The following WWOX variants were observed in gnomAD, a reference collection of about 807,000 sequenced individuals.
WWOX encodes WW domain-containing oxidoreductase.
In WWOX, 69 loss-of-function variants were observed where a neutral mutation model predicts 46.2. The observed-to-expected ratio is 1.49, with a 90% CI of 1.23 to 1.82. The LOEUF (loss-of-function observed/expected upper bound fraction) is 1.82, where lower values mean the gene tolerates loss of function less well. Among genes scored for constraint, WWOX ranks in the 40% most tolerant of loss-of-function variants. WWOX has a pLI of 0.00. For missense variants in WWOX, 919 were observed against 542.6 expected (o/e 1.69, Z -6.89); for synonymous variants, 359 against 202.6 (o/e 1.77, Z -6.56).
intron 8 of WWOX, among the ~76,000 whole-genome samples, chr16:78,614,875 G>C (rs990133564): frequency 1.3e-5 from 2 of 152,146 alleles, no homozygotes; most frequent in Non-Finnish European, 2.9e-5. Context: ...ATGGTGGTTT[G>C]CTGCAGCCAT....
At chr16:78,908,519 G>T (rs1039307457) in intron 8 of WWOX, among the ~76,000 whole-genome samples, 36 of 139,476 alleles carry the variant, frequency 2.6e-4, no homozygotes, top group Non-Finnish European at 4.6e-5. Context: ...CAGCCTGGGC[G>T]ACAGACTGAA....
At chr16:78,847,091 G>A (rs778541890) in intron 8 of WWOX, among the ~76,000 whole-genome samples, 9 of 152,170 alleles carry the variant, frequency 5.9e-5, no homozygotes, top group Non-Finnish European at 1.2e-4. Context: ...ACTGTAAGAG[G>A]CTTTACACTG....
At chr16:78,175,583 AC>A (rs2035317027) in intron 5 of WWOX, among the ~76,000 whole-genome samples, 1 of 152,140 alleles carries the variant, frequency 6.6e-6, no homozygotes, top group African/African-American at 2.4e-5. Flanking sequence ...GGCCCATGCA[AC>A]AAGGAATTGA....
At chr16:78,341,125 G>A (rs1272892913) in intron 5 of WWOX, among the ~76,000 whole-genome samples, 1 of 99,268 alleles carries the variant, frequency 1.0e-5, no homozygotes, top group Non-Finnish European at 2.3e-5. Context: ...GCTCTCTTAA[G>A]TCACTTCCTA....
At chr16:78,352,245 T>G (rs1597080727) in intron 5 of WWOX, among the ~76,000 whole-genome samples, 2 of 152,250 alleles carry the variant, frequency 1.3e-5, no homozygotes, top group East Asian at 3.8e-4. Context: ...ACATGTTACA[T>G]AACTGTATTT....
At chr16:78,796,864 C>CA (rs1189432307) in intron 8 of WWOX, among the ~76,000 whole-genome samples, 1 of 147,564 alleles carries the variant, frequency 6.8e-6, no homozygotes, top group African/African-American at 2.5e-5. Flanking sequence ...CTCACTCTGT[C>CA]ACCTAGGCTG....
chr16:78,658,010 C>A (rs555232852), intron 8 of WWOX, among the ~76,000 whole-genome samples: 1 of 152,148 alleles, frequency 6.6e-6, no homozygotes, highest in South Asian at 2.1e-4. Flanking sequence ...AGTTTCTCAA[C>A]CTTGGCACTA....
chr16:78,891,253 G>A (rs2044584377), intron 8 of WWOX: 1 of 152,030 alleles, frequency 6.6e-6, no homozygotes, highest in Admixed American at 6.6e-5. Flanking sequence ...TCAGGTTTAG[G>A]ATTGTTGATC....
chr16:78,271,023 A>T (rs969206880), intron 5 of WWOX, among the ~76,000 whole-genome samples: 1 of 152,150 alleles, frequency 6.6e-6, no homozygotes, highest in Non-Finnish European at 1.5e-5. Context: ...ATGTTGTTTA[A>T]TTTGGGGCGA....
intron 8 of WWOX, among the ~76,000 whole-genome samples, chr16:78,805,165 G>T (rs976364494): frequency 6.6e-6 from 1 of 152,140 alleles, no homozygotes; most frequent in Non-Finnish European, 1.5e-5. Flanking sequence ...AGGAGGCAAA[G>T]AATATTTAAC....
intron 8 of WWOX, among the ~76,000 whole-genome samples, chr16:78,440,006 T>C (rs2083410582): frequency 6.6e-6 from 1 of 152,194 alleles, no homozygotes; most frequent in Admixed American, 6.5e-5. Flanking sequence ...TCCCACTGGT[T>C]GGGACTGAGT....
At chr16:78,648,478 T>G (rs576946333) in intron 8 of WWOX, among the ~76,000 whole-genome samples, 1 of 152,334 alleles carries the variant, frequency 6.6e-6, no homozygotes, top group East Asian at 1.9e-4. Flanking sequence ...AAGATACACA[T>G]GGACAATGGC....
intron 8 of WWOX, among the ~76,000 whole-genome samples, chr16:78,549,280 T>C (rs1025836411): frequency 2.0e-5 from 3 of 152,226 alleles, no homozygotes; most frequent in Non-Finnish European, 4.4e-5. Context: ...GTCTCAGATA[T>C]ATAAAGCTTA....
intron 8 of WWOX, among the ~76,000 whole-genome samples, chr16:78,435,728 C>T (rs924298118): frequency 7.2e-5 from 11 of 152,132 alleles, no homozygotes; most frequent in African/African-American, 2.2e-4. Context: ...TCACAGCTCT[C>T]CTGCTAATGG....
intron 8 of WWOX, among the ~76,000 whole-genome samples, chr16:78,948,438 G>A (rs4887995): frequency 0.76 from 115,146 of 151,966 alleles, 43,873 homozygotes; most frequent in Non-Finnish European, 0.8. Flanking sequence ...CCATTTTCTT[G>A]TGAGTGAGCC....
intron 8 of WWOX, among the ~76,000 whole-genome samples, chr16:78,509,226 G>A (rs2085295795): frequency 6.6e-6 from 1 of 152,144 alleles, no homozygotes; most frequent in Non-Finnish European, 1.5e-5. Flanking sequence ...ATCACCTGAG[G>A]TCAGAAATTC....
intron 5 of WWOX, among the ~76,000 whole-genome samples, chr16:78,376,875 C>T (rs537629084): frequency 6.6e-6 from 1 of 152,320 alleles, no homozygotes; most frequent in Non-Finnish European, 1.5e-5. Context: ...ATTTGAGGAT[C>T]ATTCCGATTT....
chr16:78,486,039 T>C (rs1396447197), intron 8 of WWOX, among the ~76,000 whole-genome samples: 1 of 152,228 alleles, frequency 6.6e-6, no homozygotes, highest in Non-Finnish European at 1.5e-5. Flanking sequence ...ATGTTTTATC[T>C]GAAAACAAAA....
intron 8 of WWOX, chr16:78,872,643 A>G (rs1567617409): frequency 2.0e-5 from 3 of 152,148 alleles, no homozygotes; most frequent in Non-Finnish European, 2.9e-5. Context: ...CCTTTTGCTT[A>G]CCTCACATTT....
Sources: gnomAD v4.1 joint callset for allele counts (sites outside exome capture counted in the v4.1 genomes callset) on GRCh38, gnomAD v4.1.1 for gene constraint, MANE v1.5 for transcripts, NCBI Gene and HGNC (gene_info 2026-07-23, HGNC 2026-07-21) for gene names.